Variants in POTEJ observed in about 807,000 individuals in gnomAD.
POTEJ encodes POTE ankyrin domain family, member J.
POTEJ carries 11 observed loss-of-function variants against 69.0 expected under a neutral mutation model. The ratio of observed to expected loss-of-function variants is 0.16; its 90% CI spans 0.10 to 0.26. The LOEUF is 0.26. Among genes scored for constraint, POTEJ ranks in the 10% least tolerant of loss-of-function variants. POTEJ has a pLI of 1.00. For missense variants in POTEJ, 327 were observed against 1,045.5 expected (o/e 0.31, Z 9.48); for synonymous variants, 117 against 381.1 (o/e 0.31, Z 8.07).
intron 10 of POTEJ, among the ~76,000 whole-genome samples, chr2:130,641,121 A>ATGAC (rs1347579879): frequency 1.3e-5 from 2 of 152,086 alleles, no homozygotes; most frequent in Non-Finnish European, 2.9e-5. Flanking sequence ...GCAAACAGGC[A>ATGAC]TGACTGAGCT....
chr2:130,648,770 T>C (rs1327427799), intron 13 of POTEJ, among the ~76,000 whole-genome samples: 2 of 147,930 alleles, frequency 1.4e-5, no homozygotes, highest in African/African-American at 2.6e-5. Context: ...TCCTCAATCT[T>C]CTTTCTCATA....
intron 4 of POTEJ, among the ~76,000 whole-genome samples, chr2:130,621,254 C>T (rs1308760335): frequency 1.3e-5 from 2 of 151,050 alleles, no homozygotes; most frequent in African/African-American, 4.9e-5. Flanking sequence ...CTATGCAATA[C>T]CCCACTGAGA....
intron 14 of POTEJ, 146 bp from the exon 15 acceptor site, chr2:130,656,403 T>C (rs1686989581): frequency 1.8e-6 from 2 of 1,118,244 alleles, no homozygotes; most frequent in African/African-American, 1.7e-5. Context: ...TTATTAGGTT[T>C]GAAGTTTTGT....
chr2:130,649,468 C>T (rs535573198), intron 13 of POTEJ, among the ~76,000 whole-genome samples: 8 of 152,112 alleles, frequency 5.3e-5, no homozygotes, highest in South Asian at 4.1e-4. Flanking sequence ...ACTGAGCCAC[C>T]GTCATCTGCA....
At chr2:130,656,021 T>C (rs1161699148) in intron 14 of POTEJ, among the ~76,000 whole-genome samples, 1 of 143,700 alleles carries the variant, frequency 7.0e-6, no homozygotes, top group Non-Finnish European at 1.5e-5. Flanking sequence ...TATAGAAATA[T>C]TAGAAATGTA....
chr2:130,629,586 C>T (rs1467359251), intron 6 of POTEJ, among the ~76,000 whole-genome samples: 2 of 150,554 alleles, frequency 1.3e-5, no homozygotes, highest in African/African-American at 4.9e-5. Context: ...TAGCTAAGTG[C>T]AGGAAAACTT....
chr2:130,612,574 C>G (rs1319816064), intron 1 of POTEJ, among the ~76,000 whole-genome samples: 8 of 152,258 alleles, frequency 5.3e-5, no homozygotes, highest in South Asian at 2.1e-4. Flanking sequence ...TCCTGGCTAA[C>G]ACGGTGAAAC....
At chr2:130,639,181 G>T (rs1466688605) in intron 10 of POTEJ, among the ~76,000 whole-genome samples, 7 of 152,428 alleles carry the variant, frequency 4.6e-5, no homozygotes, top group East Asian at 3.8e-4. Flanking sequence ...ACCTCCTCCT[G>T]TGTGGCATGG....
intron 13 of POTEJ, among the ~76,000 whole-genome samples, 199 bp from the exon 14 acceptor site, chr2:130,654,722 A>C (rs1166759373): frequency 6.9e-6 from 1 of 144,658 alleles, no homozygotes; most frequent in Non-Finnish European, 1.5e-5. Flanking sequence ...GGTTCCTGTA[A>C]AAATTATCTT....
At chr2:130,626,607 C>A (rs1272270232) in intron 6 of POTEJ, among the ~76,000 whole-genome samples, 7 of 152,152 alleles carry the variant, frequency 4.6e-5, no homozygotes, top group African/African-American at 1.7e-4. Context: ...AACCATAAGG[C>A]AGATTGGATT....
At chr2:130,623,976 T>C in intron 5 of POTEJ, 88 bp from the exon 6 acceptor site, 1 of 1,349,106 alleles carries the variant, frequency 7.4e-7, no homozygotes, top group South Asian at 1.3e-5. Flanking sequence ...CTGATATTGT[T>C]TGAAATACTC....
At chr2:130,627,183 C>T (rs1216382289) in intron 6 of POTEJ, among the ~76,000 whole-genome samples, 1 of 151,676 alleles carries the variant, frequency 6.6e-6, no homozygotes, top group Non-Finnish European at 1.5e-5. Context: ...TTTTTCTATG[C>T]ATGTTTAATG....
At chr2:130,626,993 C>T (rs1397238273) in intron 6 of POTEJ, among the ~76,000 whole-genome samples, 9 of 152,106 alleles carry the variant, frequency 5.9e-5, no homozygotes, top group Non-Finnish European at 8.8e-5. Flanking sequence ...AGAGAGGTAT[C>T]GTCAATATGA....
At chr2:130,641,241 G>A (rs1197147802) in intron 10 of POTEJ, among the ~76,000 whole-genome samples, 1 of 152,170 alleles carries the variant, frequency 6.6e-6, no homozygotes, top group Admixed American at 6.5e-5. Context: ...GGAGACAAAG[G>A]AAGTTTTTGC....
At chr2:130,647,606 G>C (rs1164031914) in intron 13 of POTEJ, among the ~76,000 whole-genome samples, 1 of 152,204 alleles carries the variant, frequency 6.6e-6, no homozygotes, top group South Asian at 2.1e-4. Context: ...GAGTGCAGTT[G>C]TGTGATCATG....
intron 1 of POTEJ, among the ~76,000 whole-genome samples, chr2:130,613,388 A>G (rs1311212444): frequency 7.1e-4 from 96 of 134,832 alleles, no homozygotes; most frequent in African/African-American, 2.7e-3. Context: ...GTGTGTGTAT[A>G]TATATATATA....
At chr2:130,618,774 C>CTTTTT (rs1204750696) in intron 3 of POTEJ, among the ~76,000 whole-genome samples, 20 of 32,202 alleles carry the variant, frequency 6.2e-4, no homozygotes, top group Non-Finnish European at 7.0e-4. Context: ...ATTAATCTGA[C>CTTTTT]TTTTTTTTTT....
chr2:130,623,966 C>T, intron 5 of POTEJ, 98 bp from the exon 6 acceptor site: 3 of 1,227,698 alleles, frequency 2.4e-6, no homozygotes, highest in Non-Finnish European at 3.4e-6. Context: ...TTCTGATATT[C>T]TGATATTGTT....
At chr2:130,640,419 A>G (rs1487689704) in intron 10 of POTEJ, among the ~76,000 whole-genome samples, 1 of 149,012 alleles carries the variant, frequency 6.7e-6, no homozygotes, top group Admixed American at 6.8e-5. Context: ...ATGGGAATTG[A>G]CCAGGTAGAA....
Sources: allele counts gnomAD v4.1 joint callset (sites outside exome capture counted in the v4.1 genomes callset), GRCh38; gene constraint gnomAD v4.1.1; transcripts MANE v1.5; gene names NCBI Gene and HGNC (gene_info 2026-07-23, HGNC 2026-07-21).